The following PHC3 variants were observed in gnomAD, a reference collection of about 807,000 sequenced individuals.
PHC3 encodes the protein polyhomeotic homolog 3.
A neutral mutation model predicts 107.4 loss-of-function variants in PHC3; 13 were observed. The observed-to-expected ratio is 0.12, with a 90% confidence interval of 0.08 to 0.19. The LOEUF (loss-of-function observed/expected upper bound fraction) is 0.19. Among genes scored for constraint, PHC3 ranks in the 10% least tolerant of loss-of-function variants. PHC3 has a pLI of 1.00. For missense variants in PHC3, 992 were observed against 1,210.9 expected, an observed-to-expected ratio of 0.82 and a Z score of 2.68; for synonymous variants, 456 against 427.4, an observed-to-expected ratio of 1.07 and a Z score of -0.83.
intron 6 of PHC3, among the ~76,000 whole-genome samples, chr3:170,143,901 C>T (rs1724511747): frequency 6.6e-6 from 1 of 152,096 alleles, no homozygotes; most frequent in African/African-American, 2.4e-5. Flanking sequence ...ATAGTTTTTC[C>T]TGTTCTAGAA....
chr3:170,117,140 C>T, intron 10 of PHC3, 86 bp downstream of exon 10: 1 of 1,494,956 alleles, frequency 6.7e-7, no homozygotes, highest in Non-Finnish European at 9.2e-7. Context: ...AAATTACAAG[C>T]TTTTTATTAG....
rs1577314008 is a variant in PHC3, at chr3:170,181,563, C to G, written c.14+139G>C. ...CCCGCGACACGGGCCTAGCCGGCTC[C>G]TCCACGATAGGACGGGTCTCGAGTC... On this transcript the variant is annotated intron_variant, in intron 1 of 14. Coordinates refer to ENST00000495893, the MANE Select transcript of PHC3 (RefSeq NM_024947.4). 7.7e-6 allele frequency: 10 copies of G among 1,300,670 alleles called. No homozygotes were observed. The East Asian group carries it at 2.2e-4, about 28-fold the overall frequency. 80.6% of individuals were successfully genotyped at this position (1,300,670 alleles called of 1,614,324 possible).
chr3:170,175,250 G>C (rs1730239293), intron 2 of PHC3, among the ~76,000 whole-genome samples: 1 of 152,166 alleles, frequency 6.6e-6, no homozygotes, highest in Non-Finnish European at 1.5e-5. Context: ...AACAGAGTCA[G>C]TGCTATTTAT....
chr3:170,122,280 A>G (rs1720495138), intron 9 of PHC3, among the ~76,000 whole-genome samples: 1 of 151,950 alleles, frequency 6.6e-6, no homozygotes, highest in Admixed American at 6.6e-5. Flanking sequence ...ACAATTAACT[A>G]CCATAACAAA....
At chr3:170,176,607 T>C (rs1446409702) in intron 2 of PHC3, among the ~76,000 whole-genome samples, 1 of 152,238 alleles carries the variant, frequency 6.6e-6, no homozygotes, top group African/African-American at 2.4e-5. Flanking sequence ...GTTATTTAGC[T>C]GATTTAAAAC....
chr3:170,102,456 G>A (rs1312685145), intron 14 of PHC3, 23 bp downstream of exon 14: 3 of 1,605,680 alleles, frequency 1.9e-6, no homozygotes, highest in East Asian at 2.2e-5. Flanking sequence ...AAAATATTAA[G>A]GCCAAAGTGA....
chr3:170,162,393 C>T (rs865898366), intron 4 of PHC3, among the ~76,000 whole-genome samples: 7 of 152,170 alleles, frequency 4.6e-5, no homozygotes, highest in Non-Finnish European at 8.8e-5. Context: ...TCTCCAATAC[C>T]TCCTTTAGCT....
intron 9 of PHC3, among the ~76,000 whole-genome samples, chr3:170,118,461 G>A (rs1449707532): frequency 6.6e-6 from 1 of 152,134 alleles, no homozygotes; most frequent in Non-Finnish European, 1.5e-5. Flanking sequence ...ACCCAGGCTG[G>A]AGTGCAGTGG....
chr3:170,101,446 T>G (rs1307616539), intron 14 of PHC3, among the ~76,000 whole-genome samples: 1 of 152,164 alleles, frequency 6.6e-6, no homozygotes, highest in Non-Finnish European at 1.5e-5. Context: ...GAAAGACTAA[T>G]TAGCAACAAC....
At chr3:170,141,938 A>C (rs1014058326) in intron 6 of PHC3, among the ~76,000 whole-genome samples, 1 of 152,086 alleles carries the variant, frequency 6.6e-6, no homozygotes, top group Non-Finnish European at 1.5e-5. Flanking sequence ...TTCTCCCTTC[A>C]CTATTAGTTA....
chr3:170,134,204 T>A (rs1039903741), intron 7 of PHC3, among the ~76,000 whole-genome samples: 18 of 151,820 alleles, frequency 1.2e-4, no homozygotes, highest in South Asian at 4.2e-4. Flanking sequence ...ATATATATAT[T>A]TTTGAGACGG....
chr3:170,103,059 G>A (rs1715782607), intron 12 of PHC3, 125 bp from the exon 13 acceptor site: 4 of 988,450 alleles, frequency 4.0e-6, no homozygotes, highest in Non-Finnish European at 6.0e-6. Context: ...ATGAATGTAA[G>A]ACCTCATAAA....
At chr3:170,150,861 TC>T (rs1252130735) in intron 4 of PHC3, among the ~76,000 whole-genome samples, 2 of 152,096 alleles carry the variant, frequency 1.3e-5, no homozygotes, top group African/African-American at 2.4e-5. Flanking sequence ...AAAAGCATAC[TC>T]TTTTTTTTAT....
At chr3:170,180,405 T>C in intron 1 of PHC3, among the ~76,000 whole-genome samples, 1 of 152,010 alleles carries the variant, frequency 6.6e-6, no homozygotes, top group East Asian at 1.9e-4. Context: ...GCTATGATCG[T>C]GCCACTGCAC....
chr3:170,102,180 C>T, intron 14 of PHC3: 1 of 985,408 alleles, frequency 1.0e-6, no homozygotes, highest in Non-Finnish European at 1.2e-6. Context: ...CTACTGACCT[C>T]TCGAGAGAAA....
chr3:170,141,831 T>C (rs1368133068), intron 6 of PHC3, among the ~76,000 whole-genome samples: 1 of 152,160 alleles, frequency 6.6e-6, no homozygotes, highest in African/African-American at 2.4e-5. Flanking sequence ...CTCGAACTCC[T>C]GAGCTCAAGC....
At chr3:170,181,397 A>C (rs1391923530) in intron 1 of PHC3, among the ~76,000 whole-genome samples, 1 of 151,726 alleles carries the variant, frequency 6.6e-6, no homozygotes, top group Non-Finnish European at 1.5e-5. Context: ...TGAGGAGCCC[A>C]CCCGGGCTCG....
chr3:170,107,724 C>A (rs1326278904), intron 11 of PHC3, among the ~76,000 whole-genome samples: 1 of 151,998 alleles, frequency 6.6e-6, no homozygotes, highest in South Asian at 2.1e-4. Context: ...TGCTTTTTTT[C>A]ATCATGCTTT....
chr3:170,103,254 T>TA (rs1007129742), intron 12 of PHC3, among the ~76,000 whole-genome samples: 5 of 151,908 alleles, frequency 3.3e-5, no homozygotes, highest in Admixed American at 6.6e-5. Context: ...TTCATAGCAG[T>TA]AAAAAAAATG....
Sources: gnomAD v4.1 joint callset for allele counts (sites outside exome capture counted in the v4.1 genomes callset) on GRCh38, gnomAD v4.1.1 for gene constraint, MANE v1.5 for transcripts, NCBI Gene and HGNC (gene_info 2026-07-23, HGNC 2026-07-21) for gene names.